CDH13: variants seen among roughly 807,000 people sequenced by gnomAD.
The protein encoded by CDH13 is cadherin-13.
Under a neutral mutation model 63.8 loss-of-function variants are expected in CDH13, and 24 were observed. That is an observed-to-expected ratio of 0.38 (90% CI 0.27 to 0.53). CDH13 has a LOEUF of 0.53. CDH13 is among the 20% of genes least tolerant of loss of function. CDH13 has a pLI of 0.85. For synonymous variants in CDH13, 503 were observed against 355.3 expected, an observed-to-expected ratio of 1.42 and a Z score of -4.67; for missense variants, 1,049 against 903.1, an observed-to-expected ratio of 1.16 and a Z score of -2.07.
intron 7 of CDH13, among the ~76,000 whole-genome samples, chr16:83,581,553 T>C (rs990809349): frequency 2.0e-5 from 3 of 152,216 alleles, no homozygotes; most frequent in Non-Finnish European, 2.9e-5. Context: ...GCACAGTGGC[T>C]CACACCTGTA....
chr16:83,216,418 AT>A lies in CDH13; in HGVS notation c.484-926del, dbSNP rs1567513914. Among the ~76,000 whole-genome samples the A allele has an allele frequency of 1.2e-3, 115 of 93,158 alleles. 15 individuals are homozygous for A. The highest frequency in any genetic ancestry group is 1.9e-3 in the Non-Finnish European group (87 of 46,216). The allele number at this position is 93,158 out of a possible 152,430, so 61.1% of individuals were successfully genotyped here. ...TTGAAATATATATATATATATATATATATATATATATATATATATATATATA... is the reference window on the plus strand; with the variant it reads ...TTGAAATATATATATATATATATATAATATATATATATATATATATATATA... On this transcript the variant is annotated intron_variant, in intron 4 of 13. Coordinates refer to ENST00000567109, the MANE Select transcript of CDH13 (RefSeq NM_001257.5).
chr16:83,770,751 G>A (rs901722261), intron 11 of CDH13, among the ~76,000 whole-genome samples: 4 of 152,162 alleles, frequency 2.6e-5, no homozygotes, highest in Non-Finnish European at 5.9e-5. Flanking sequence ...GTGCAGTAGT[G>A]AGGACCACGA....
chr16:83,292,363 T>A (rs1017832087), intron 5 of CDH13, among the ~76,000 whole-genome samples: 6 of 152,200 alleles, frequency 3.9e-5, no homozygotes, highest in Non-Finnish European at 7.3e-5. Flanking sequence ...CTCTGTCCTG[T>A]GGCCACTTTT....
intron 6 of CDH13, among the ~76,000 whole-genome samples, chr16:83,355,335 G>C (rs1210125051): frequency 6.6e-6 from 1 of 152,158 alleles, no homozygotes; most frequent in Non-Finnish European, 1.5e-5. Flanking sequence ...CAATAATACT[G>C]TAAGCCTTAA....
At chr16:83,123,011 A>G (rs902150764) in intron 3 of CDH13, among the ~76,000 whole-genome samples, 1 of 152,100 alleles carries the variant, frequency 6.6e-6, no homozygotes. Flanking sequence ...CTCCCACCAA[A>G]AAGTGAAAAT....
At chr16:82,654,991 A>T (rs1158373218) in intron 1 of CDH13, among the ~76,000 whole-genome samples, 2 of 152,166 alleles carry the variant, frequency 1.3e-5, no homozygotes, top group Non-Finnish European at 2.9e-5. Context: ...CCCAGATTTC[A>T]TGCTTTTAGT....
At chr16:82,642,719 G>A (rs940165374) in intron 1 of CDH13, among the ~76,000 whole-genome samples, 56 of 152,186 alleles carry the variant, frequency 3.7e-4, no homozygotes, top group African/African-American at 1.3e-3. Context: ...AGTAGAAGTG[G>A]CAGTAATAGT....
At chr16:83,078,074 A>G (rs758277912) in intron 3 of CDH13, among the ~76,000 whole-genome samples, 4 of 152,158 alleles carry the variant, frequency 2.6e-5, no homozygotes, top group African/African-American at 4.8e-5. Context: ...ATCTGACCTG[A>G]GATGAGAGTC....
chr16:83,348,849 G>C (rs758378793), intron 6 of CDH13, among the ~76,000 whole-genome samples: 21 of 152,328 alleles, frequency 1.4e-4, no homozygotes, highest in African/African-American at 5.0e-4. Context: ...AATGTACAAT[G>C]AATGCCTTTG....
chr16:83,301,052 G>A (rs12917629), intron 5 of CDH13, among the ~76,000 whole-genome samples: 2 of 9,588 alleles, frequency 2.1e-4, no homozygotes, highest in South Asian at 8.3e-3. Flanking sequence ...TTTTTTTTGA[G>A]ACAGAGCCTC....
chr16:83,186,692 C>G (rs1249032082), intron 4 of CDH13, among the ~76,000 whole-genome samples: 1 of 152,102 alleles, frequency 6.6e-6, no homozygotes, highest in Non-Finnish European at 1.5e-5. Context: ...TTAAATTTCT[C>G]AGGGCTAATG....
Position 83,798,929 on chromosome 16 carries a change from G to A in CDH13, c.*3899G>A, listed in dbSNP as rs1904298048. 1 of 151,910 alleles carries A rather than the reference G, an allele frequency of 6.6e-6. No homozygotes were observed. Among genetic ancestry groups the A allele is most frequent in the Non-Finnish European group, 1.5e-5 (1 of 67,984 alleles). The allele number at this position is 151,910 out of a possible 1,614,324, so 9.4% of individuals were successfully genotyped here. On this transcript the variant is annotated 3_prime_UTR_variant, in exon 14 of 14. Transcript: ENST00000567109. ...TTGAGACCTTAGAAATTTTTCCTGT[G>A]CAAGATAACGTAATTATTTGCCCCT...
intron 1 of CDH13, among the ~76,000 whole-genome samples, chr16:82,712,023 C>T (rs1017593312): frequency 7.9e-5 from 12 of 152,310 alleles, no homozygotes; most frequent in African/African-American, 2.4e-4. Flanking sequence ...TCTGCTCTCT[C>T]GCCTTCCTGC....
chr16:83,559,145 A>G (rs1598287605), intron 7 of CDH13, among the ~76,000 whole-genome samples: 2 of 152,254 alleles, frequency 1.3e-5, no homozygotes, highest in South Asian at 4.1e-4. Context: ...AGAGAAATGC[A>G]AAGACTGTAT....
At chr16:83,109,089 C>G in intron 3 of CDH13, among the ~76,000 whole-genome samples, 1 of 152,308 alleles carries the variant, frequency 6.6e-6, no homozygotes, top group African/African-American at 2.4e-5. Flanking sequence ...TATTGAGGTC[C>G]TGGTTGTCCT....
chr16:82,868,787 C>G (rs1006196167), intron 2 of CDH13, among the ~76,000 whole-genome samples: 4 of 152,120 alleles, frequency 2.6e-5, no homozygotes, highest in African/African-American at 7.2e-5. Flanking sequence ...AGAATTTCAC[C>G]TTTAGAAATT....
chr16:83,760,531 A>G (rs184060022), intron 11 of CDH13, among the ~76,000 whole-genome samples: 13 of 152,374 alleles, frequency 8.5e-5, no homozygotes, highest in African/African-American at 3.1e-4. Context: ...GCAACTATTC[A>G]CAACATCATG....
chr16:83,672,899 C>T (rs1339635774), intron 9 of CDH13, among the ~76,000 whole-genome samples: 1 of 152,208 alleles, frequency 6.6e-6, no homozygotes, highest in Non-Finnish European at 1.5e-5. Context: ...CCACGGAGGA[C>T]AGCCAGTGGC....
intron 8 of CDH13, among the ~76,000 whole-genome samples, chr16:83,611,740 A>G (rs533810571): frequency 3.9e-5 from 6 of 152,214 alleles, no homozygotes; most frequent in Non-Finnish European, 8.8e-5. Flanking sequence ...ATTCAGATCA[A>G]AAATATTTTT....
Sources: allele counts gnomAD v4.1 joint callset (sites outside exome capture counted in the v4.1 genomes callset), GRCh38; gene constraint gnomAD v4.1.1; transcripts MANE v1.5; gene names NCBI Gene and HGNC (gene_info 2026-07-23, HGNC 2026-07-21).